OR2AJ1: variants seen among roughly 807,000 people sequenced by gnomAD.
OR2AJ1 encodes the protein olfactory receptor 2AJ1.
For synonymous variants in OR2AJ1, 105 were observed against 60.3 expected (o/e 1.74, Z -3.44); for missense variants, 280 against 163.2 (o/e 1.72, Z -3.90).
chr1:247,931,861 G>T (rs1192912454), intron 1 of OR2AJ1, among the ~76,000 whole-genome samples: 1 of 152,188 alleles, frequency 6.6e-6, no homozygotes, highest in Non-Finnish European at 1.5e-5. Context: ...CGAGAAGAAT[G>T]ATATAACTCC....
At chr1:247,932,058 G>A (rs1660159331) in intron 1 of OR2AJ1, among the ~76,000 whole-genome samples, 2 of 152,224 alleles carry the variant, frequency 1.3e-5, no homozygotes, top group African/African-American at 4.8e-5. Context: ...GAAAGGAATG[G>A]CTGGGTGCGG....
intron 1 of OR2AJ1, among the ~76,000 whole-genome samples, chr1:247,931,074 G>A (rs1660148379): frequency 6.6e-6 from 1 of 152,082 alleles, no homozygotes; most frequent in African/African-American, 2.4e-5. Flanking sequence ...TGGGAAACTA[G>A]GAATTTCCTA....
Position 247,925,047 on chromosome 1 carries a change from T to G in OR2AJ1, c.-144T>G, listed in dbSNP as rs1339097768. 6.6e-6 allele frequency: 1 copy of G among 152,206 alleles called. No homozygotes were observed. 9.4% of individuals were successfully genotyped at this position (152,206 alleles called of 1,614,324 possible). On this transcript the variant is annotated 5_prime_UTR_variant, in exon 1 of 2. The change creates a new upstream start codon in the 5' untranslated region. Transcript: ENST00000318244. ...TGAGTCACTCTCAAGGACATGACAT[T>G]GAAACAAACATCTGAGTAGCATGAA...
At chr1:247,930,078 AT>A (rs1227207986) in intron 1 of OR2AJ1, among the ~76,000 whole-genome samples, 1 of 152,216 alleles carries the variant, frequency 6.6e-6, no homozygotes, top group Non-Finnish European at 1.5e-5. Context: ...CTTTTTAAAA[AT>A]AGTCAGTCAC....
In OR2AJ1 at chr1:247,931,394, C is replaced by T. The variant is rs566260349; in HGVS notation, c.-22-2353C>T. ...AGATTTCACCCAAAATTGAAATACT[C>T]CTGGGTAACATAGAGGATACACTTT... On this transcript the variant is annotated intron_variant, in intron 1 of 1. Transcript: ENST00000318244. 3.3e-5 allele frequency among the ~76,000 whole-genome samples: 5 copies of T among 152,134 alleles called. No individual in the cohort carries two copies. In the South Asian group the frequency reaches 1.0e-3, roughly 31 times the overall value.
chr1:247,927,722 C>T (rs77442375), intron 1 of OR2AJ1, among the ~76,000 whole-genome samples: 1,729 of 152,202 alleles, frequency 0.011, 26 homozygotes, highest in African/African-American at 0.04. Flanking sequence ...CTACTCTCTA[C>T]CTCTATGAGA....
intron 1 of OR2AJ1, among the ~76,000 whole-genome samples, chr1:247,930,231 C>T (rs1367797444): frequency 6.6e-6 from 1 of 152,200 alleles, no homozygotes; most frequent in Non-Finnish European, 1.5e-5. Flanking sequence ...AACTACTTAA[C>T]ATTTGAATGT....
At position 247,934,687 on chromosome 1, in the gene OR2AJ1, AGT is replaced by A; in HGVS notation, c.920_921del (p.Ser307LysfsTer9). The A allele has an allele frequency of 1.4e-6, 1 of 716,158 alleles. No individual in the cohort carries two copies. The highest frequency in any genetic ancestry group is 1.5e-5 in the South Asian group (1 of 67,478). 44.4% of individuals were successfully genotyped at this position (716,158 alleles called of 1,614,324 possible). A position where few individuals can be genotyped will look rare whatever the true frequency, so the allele number is the denominator to read the frequency against. ...GGCGGTGATGAAAAATATGCTCAAA[AGT>A]AACTTTCTGCACAAAAAAATGAATA... Reference protein sequence around the residue: ...VLAVMKNMLKSNFLHKKMNRK... With the variant: ...VLAVMKNMLKXNFLHKKMNRK... On this transcript the variant is annotated frameshift_variant, in exon 2 of 2. Transcript: ENST00000318244. LOFTEE classifies it low-confidence loss of function (END_TRUNC).
Position 247,925,154 on chromosome 1 carries a change from G to A in OR2AJ1, c.-37G>A, listed in dbSNP as rs1243606344. The A allele has an allele frequency of 6.6e-6, 1 of 152,532 alleles. No homozygotes were observed. Among genetic ancestry groups the A allele is most frequent in the Non-Finnish European group, 1.5e-5 (1 of 68,314 alleles). The allele number at this position is 152,532 out of a possible 1,614,324, so 9.4% of individuals were successfully genotyped here. A position where few individuals can be genotyped will look rare whatever the true frequency, so the allele number is the denominator to read the frequency against. On this transcript the variant is annotated 5_prime_UTR_variant, in exon 1 of 2. Coordinates refer to ENST00000318244, the MANE Select transcript of OR2AJ1 (RefSeq NM_001355235.2). ...AAAGGCCCTGCCTGGAATGTCCTGT[G>A]CGGAGCGGAACGTGGTAAGGTCAAA...
At chr1:247,928,900 C>G (rs1051186422) in intron 1 of OR2AJ1, among the ~76,000 whole-genome samples, 2 of 152,138 alleles carry the variant, frequency 1.3e-5, no homozygotes, top group East Asian at 1.9e-4. Flanking sequence ...CGAGACCATC[C>G]TGGCTAACAC....
In OR2AJ1 at chr1:247,935,127, T is replaced by C; in HGVS notation, c.*372T>C. On this transcript the variant is annotated 3_prime_UTR_variant, in exon 2 of 2. Transcript: ENST00000318244. ...TTATCAAAAATTCACAAATTCCATA[T>C]GAAATCATTATTCTTTGCCTGGTTT... 1 of 174,110 alleles carries C rather than the reference T, an allele frequency of 5.7e-6. No homozygotes were observed. Among genetic ancestry groups the C allele is most frequent in the Non-Finnish European group, 1.2e-5 (1 of 82,220 alleles). The allele number at this position is 174,110 out of a possible 1,614,324, so 10.8% of individuals were successfully genotyped here.
At chr1:247,925,985 A>G (rs903434528) in intron 1 of OR2AJ1, among the ~76,000 whole-genome samples, 2 of 152,224 alleles carry the variant, frequency 1.3e-5, no homozygotes, top group Non-Finnish European at 2.9e-5. Context: ...CAAAATGTGT[A>G]ACATTCTAAT....
At position 247,934,086 on chromosome 1, in the gene OR2AJ1, C is replaced by G; in HGVS notation, c.318C>G (p.Thr106=). The change falls in exon 2 of 2, where the codon ACC becomes ACG. Residue 106 remains threonine (T), a synonymous_variant. Transcript: ENST00000318244. ...GGTTCCAGGTATTTCTGTCCCTCAC[C>G]CTCCTGGGTGGTGAGTGCCTTCTCC... ...GCGFQVFLSL[T]LLGGECLLLA... 1.4e-6 allele frequency: 1 copy of G among 718,000 alleles called. No homozygotes were observed. Among genetic ancestry groups the G allele is most frequent in the Non-Finnish European group, 2.6e-6 (1 of 385,270 alleles). 44.5% of individuals were successfully genotyped at this position (718,000 alleles called of 1,614,324 possible).
intron 1 of OR2AJ1, among the ~76,000 whole-genome samples, chr1:247,932,559 T>G (rs1482877352): frequency 6.6e-6 from 1 of 152,188 alleles, no homozygotes; most frequent in Non-Finnish European, 1.5e-5. Context: ...GTCGGTGACA[T>G]ACTTCTGCAT....
intron 1 of OR2AJ1, among the ~76,000 whole-genome samples, chr1:247,926,768 G>A (rs1453842609): frequency 6.6e-6 from 1 of 152,172 alleles, no homozygotes; most frequent in Non-Finnish European, 1.5e-5. Context: ...AAAATCTACT[G>A]CTAAGATAGA....
Position 247,934,993 on chromosome 1 carries a change from T to G in OR2AJ1, c.*238T>G, listed in dbSNP as rs1660201695. 2 of 379,226 alleles carry G rather than the reference T, an allele frequency of 5.3e-6. No homozygotes were observed. The highest frequency in any genetic ancestry group is 4.2e-5 in the African/African-American group (2 of 48,042). The allele number at this position is 379,226 out of a possible 1,614,324, so 23.5% of individuals were successfully genotyped here. A position where few individuals can be genotyped will look rare whatever the true frequency, so the allele number is the denominator to read the frequency against. On this transcript the variant is annotated 3_prime_UTR_variant, in exon 2 of 2. Transcript: ENST00000318244. ...GTCCTATTCCCTAACACCAAAATTG[T>G]AAGACTTATGAGAATATCCCTAAAA...
intron 1 of OR2AJ1, among the ~76,000 whole-genome samples, chr1:247,927,547 G>C (rs778119593): frequency 2.0e-4 from 25 of 122,276 alleles, no homozygotes; most frequent in Non-Finnish European, 2.8e-4. Flanking sequence ...CTTTCTTCTA[G>C]CTATTTGAAA....
In OR2AJ1 at chr1:247,933,778, C is replaced by A. The variant is rs1379150213; in HGVS notation, c.10C>A (p.Gln4Lys). 6 of 584,940 alleles carry A rather than the reference C, an allele frequency of 1.0e-5. No individual in the cohort carries two copies. Among genetic ancestry groups the A allele is most frequent in the Non-Finnish European group, 9.3e-6 (3 of 321,402 alleles). The allele number at this position is 584,940 out of a possible 1,614,324, so 36.2% of individuals were successfully genotyped here. A position where few individuals can be genotyped will look rare whatever the true frequency, so the allele number is the denominator to read the frequency against. MGH[Q>K]NHTFSSDFIL... ...AAATAGAGAATTCATGATGGGCCAT[C>A]AGAATCACACTTTCAGCAGTGATTT... is the stretch of plus-strand genomic sequence containing the variant. Residue 4 changes from glutamine (Q) to lysine (K), a missense_variant, in exon 2 of 2, where the codon CAG (glutamine) becomes AAG (lysine). Transcript: ENST00000318244.
At chr1:247,930,643 G>A (rs1660142580) in intron 1 of OR2AJ1, among the ~76,000 whole-genome samples, 1 of 152,118 alleles carries the variant, frequency 6.6e-6, no homozygotes, top group African/African-American at 2.4e-5. Flanking sequence ...TTGGCTACAT[G>A]TACAAATATT....
Sources: gnomAD v4.1 joint callset for allele counts (sites outside exome capture counted in the v4.1 genomes callset) on GRCh38, gnomAD v4.1.1 for gene constraint, MANE v1.5 for transcripts, NCBI Gene and HGNC (gene_info 2026-07-23, HGNC 2026-07-21) for gene names.